TOP1MT: variants seen among roughly 807,000 people sequenced by gnomAD.
TOP1MT encodes DNA topoisomerase I mitochondrial.
A neutral mutation model predicts 73.9 loss-of-function variants in TOP1MT; 80 were observed. The ratio of observed to expected loss-of-function variants is 1.08; its 90% CI spans 0.90 to 1.30. The LOEUF is 1.30. TOP1MT is among the 50% of genes most tolerant of loss of function. The pLI, the probability that TOP1MT is intolerant of heterozygous loss-of-function variation, is 0.00. For missense variants in TOP1MT, 815 were observed against 808.0 expected (o/e 1.01, Z -0.10); for synonymous variants, 338 against 326.4 (o/e 1.04, Z -0.38).
In TOP1MT at chr8:143,341,134, C is replaced by T. The variant is rs981772422; in HGVS notation, c.29+2086G>A. 2.6e-5 allele frequency among the ~76,000 whole-genome samples: 4 copies of T among 152,216 alleles called. No homozygotes were observed. In the South Asian group the frequency reaches 8.3e-4, roughly 32 times the overall value. ...CTCAGGCTTGCCCCTAGCGTCCCCG[C>T]CACCCTCTTCTCGTGCTGCCGCCCC... On this transcript the variant is annotated intron_variant, in intron 2 of 5. Transcript: ENST00000518007. This position sits in a 1 kb window ranked among gnomAD's most constrained non-coding sequence, Gnocchi z 4.1.
upstream of TOP1MT, among the ~76,000 whole-genome samples, chr8:143,336,204 G>A (rs1816979181): frequency 6.6e-6 from 1 of 152,310 alleles, no homozygotes; most frequent in African/African-American, 2.4e-5. Context: ...GTCTCCCTAT[G>A]TTGCCCCGGC....
chr8:143,354,082 T>C (rs957116282), intron 1 of TOP1MT, among the ~76,000 whole-genome samples: 3 of 147,364 alleles, frequency 2.0e-5, no homozygotes, highest in Non-Finnish European at 4.4e-5. Context: ...TGCAAAGAGG[T>C]ATTCAGACAA....
At chr8:143,317,697 T>C in intron 10 of TOP1MT, 26 bp downstream of exon 10, 2 of 1,601,250 alleles carry the variant, frequency 1.2e-6, no homozygotes, top group Non-Finnish European at 1.7e-6. Flanking sequence ...CCCCCCGCGC[T>C]GAGTGTGGGT....
At chr8:143,330,576 C>T (rs557975357) in intron 2 of TOP1MT, among the ~76,000 whole-genome samples, 67 of 152,322 alleles carry the variant, frequency 4.4e-4, no homozygotes, top group African/African-American at 1.2e-3. Flanking sequence ...GGGAGGGGCA[C>T]AGCATGGCGT....
intron 8 of TOP1MT, among the ~76,000 whole-genome samples, chr8:143,318,597 C>T (rs992795973): frequency 3.9e-5 from 6 of 152,204 alleles, no homozygotes; most frequent in Non-Finnish European, 5.9e-5. Flanking sequence ...CCCTCAGTTT[C>T]ACCTGCTGGT....
intron 4 of TOP1MT, 140 bp downstream of exon 4, chr8:143,326,082 G>A (rs937094000): frequency 6.4e-5 from 60 of 930,688 alleles, no homozygotes; most frequent in Non-Finnish European, 9.1e-5. Context: ...ACATGCAGGG[G>A]CGCTAAGGCT....
intron 2 of TOP1MT, among the ~76,000 whole-genome samples, 178 bp downstream of exon 2, chr8:143,331,046 C>G (rs1196415102): frequency 6.6e-6 from 1 of 152,206 alleles, no homozygotes; most frequent in African/African-American, 2.4e-5. Context: ...AACTGCCACC[C>G]TCTGAGCATG....
chr8:143,354,126 T>C (rs1396988684), intron 1 of TOP1MT, among the ~76,000 whole-genome samples: 1 of 151,986 alleles, frequency 6.6e-6, no homozygotes, highest in Non-Finnish European at 1.5e-5. Flanking sequence ...GCCTCATTAT[T>C]CACAATAGCC....
At chr8:143,327,991 G>A (rs762066849) in intron 3 of TOP1MT, among the ~76,000 whole-genome samples, 9 of 152,162 alleles carry the variant, frequency 5.9e-5, no homozygotes, top group South Asian at 2.1e-4. Context: ...CTGTGCTGCC[G>A]AATTCAGCAG....
chr8:143,332,168 T>C (rs1056983390), intron 1 of TOP1MT, among the ~76,000 whole-genome samples: 2 of 152,234 alleles, frequency 1.3e-5, no homozygotes, highest in Admixed American at 1.3e-4. Flanking sequence ...AAGCCTGCCC[T>C]GAACCAGCAC....
At position 143,321,388 on chromosome 8, in the gene TOP1MT, T is replaced by C. The variant is rs762691061; in HGVS notation, c.961-2A>G. On this transcript the variant is annotated splice_acceptor_variant, in intron 7 of 13. Transcript: ENST00000329245. LOFTEE classifies it high-confidence loss of function. ...CTCATTTCCTGCTCTCAGTGCCAGC[T>C]AGTTGGTGGGGAATGGTCAAAGTGG... 1.9e-6 allele frequency: 3 copies of C among 1,577,264 alleles called. No homozygotes were observed.
intron 2 of TOP1MT, among the ~76,000 whole-genome samples, chr8:143,342,715 TA>T (rs1563771910): frequency 0.02 from 1,714 of 86,892 alleles, 63 homozygotes; most frequent in Non-Finnish European, 0.027. Flanking sequence ...GTCTCGCTGT[TA>T]TTATTATTAT....
rs770685363 is a variant in TOP1MT, at chr8:143,315,775, C to T, written c.1505G>A (p.Arg502Lys). 6.8e-6 allele frequency: 11 copies of T among 1,614,044 alleles called. No individual in the cohort carries two copies. Among genetic ancestry groups the T allele is most frequent in the Admixed American group, 3.3e-5 (2 of 60,032 alleles). The part of the protein sequence containing the change: ...EQVAEARAEL[R>K]RARAEHKAQG... ...GGCTTTGTGCTCAGCCCTCGCCCTC[C>T]TCAGCTCTGCCCTGGCCTCAGCCAC... The change falls in exon 12 of 14, where the codon AGG (arginine) becomes AAG (lysine). Residue 502 changes from arginine to lysine, a missense_variant. Arg to Lys is a conservative substitution (Grantham distance 26, BLOSUM62 2). Transcript: ENST00000329245.
intron 2 of TOP1MT, among the ~76,000 whole-genome samples, chr8:143,340,287 C>G (rs1161069998): frequency 1.1e-5 from 1 of 93,738 alleles, no homozygotes. Context: ...GCATTCCCCC[C>G]TCCCAGCACC....
Position 143,331,297 on chromosome 8 carries a change from C to T in TOP1MT, c.165G>A (p.Gln55=), listed in dbSNP as rs1190957196. The change falls in exon 2 of 14, where the codon CAG becomes CAA. Residue 55 remains glutamine, a synonymous_variant. Transcript: ENST00000329245. ...CGAAGTACGGGCCCTTGTGCTCCAG[C>T]TGTCTCCACTTCACCCCGTCTTCGT... ...EKHEDGVKWR[Q]LEHKGPYFAP... is the part of the protein sequence containing the mutation. 6.2e-7 allele frequency: 1 copy of T among 1,613,000 alleles called. No individual in the cohort carries two copies. The highest frequency in any genetic ancestry group is 8.5e-7 in the Non-Finnish European group (1 of 1,179,176).
At chr8:143,326,561 T>C (rs1185054545) in intron 3 of TOP1MT, among the ~76,000 whole-genome samples, 4 of 151,522 alleles carry the variant, frequency 2.6e-5, no homozygotes, top group Non-Finnish European at 4.4e-5. Flanking sequence ...AGGCATGGAG[T>C]TGGGTGGGGC....
chr8:143,343,682 T>A (rs1208322437), intron 1 of TOP1MT: 5 of 160,588 alleles, frequency 3.1e-5, no homozygotes, highest in South Asian at 3.4e-4. Flanking sequence ...AAGTAACTTT[T>A]GAAGAAGAAG....
At chr8:143,351,119 T>C (rs565953428) in intron 1 of TOP1MT, among the ~76,000 whole-genome samples, 57 of 152,332 alleles carry the variant, frequency 3.7e-4, no homozygotes, top group Non-Finnish European at 1.8e-4. Context: ...CTACCCCCGA[T>C]GTCTCCTCAT....
intron 8 of TOP1MT, 24 bp downstream of exon 8, chr8:143,321,177 G>C (rs1017504716): frequency 6.4e-7 from 1 of 1,554,464 alleles, no homozygotes; most frequent in Non-Finnish European, 8.7e-7. Flanking sequence ...ACATAGCGGG[G>C]GCAGCTGGCG....
Sources: allele counts gnomAD v4.1 joint callset (sites outside exome capture counted in the v4.1 genomes callset), GRCh38; gene constraint gnomAD v4.1.1; non-coding constraint Gnocchi (gnomAD v3.1); transcripts MANE v1.5; gene names NCBI Gene and HGNC (gene_info 2026-07-23, HGNC 2026-07-21).